ADGRB3: variants seen among roughly 807,000 people sequenced by gnomAD.
ADGRB3 encodes the protein adhesion G protein-coupled receptor B3.
Under a neutral mutation model 193.4 loss-of-function variants are expected in ADGRB3, and 37 were observed. That is an observed-to-expected ratio of 0.19 (90% CI 0.15 to 0.25). The LOEUF (loss-of-function observed/expected upper bound fraction) is 0.25, where lower values mean the gene tolerates loss of function less well. Ranked by LOEUF, ADGRB3 falls within the 10% of genes least tolerant of loss-of-function variation. The probability of loss-of-function intolerance (pLI) is 1.00; values close to 1 mark genes in which losing one functional copy is unlikely to be tolerated. For missense variants in ADGRB3, 1,637 were observed against 1,852.9 expected (o/e 0.88, Z 2.14); for synonymous variants, 690 against 644.2 (o/e 1.07, Z -1.08).
intron 8 of ADGRB3, among the ~76,000 whole-genome samples, chr6:68,974,023 T>C (rs1029554838): frequency 6.6e-6 from 1 of 152,252 alleles, no homozygotes; most frequent in Non-Finnish European, 1.5e-5. Context: ...TTTTTACTGC[T>C]ATCATTGCTT....
chr6:69,040,371 T>TTCTTTC, intron 13 of ADGRB3, among the ~76,000 whole-genome samples: 1 of 54,164 alleles, frequency 1.8e-5, no homozygotes, highest in African/African-American at 5.4e-5. Context: ...CTTTCTTTCT[T>TTCTTTC]TCTTTCCTTC....
intron 3 of ADGRB3, among the ~76,000 whole-genome samples, chr6:68,746,760 C>G (rs1429148716): frequency 2.6e-5 from 4 of 152,100 alleles, no homozygotes; most frequent in Non-Finnish European, 5.9e-5. Flanking sequence ...TTTGGAGTCT[C>G]TAATCCTTTT....
At chr6:69,284,030 C>T (rs555096961) in intron 20 of ADGRB3, among the ~76,000 whole-genome samples, 25 of 152,246 alleles carry the variant, frequency 1.6e-4, no homozygotes, top group African/African-American at 5.5e-4. Flanking sequence ...GGCCCTGGAA[C>T]GATGCCTCTT....
At chr6:69,275,392 G>A (rs962122463) in intron 20 of ADGRB3, among the ~76,000 whole-genome samples, 14 of 152,056 alleles carry the variant, frequency 9.2e-5, no homozygotes, top group Admixed American at 8.5e-4. Context: ...AAAGGAGGGA[G>A]GAAGAAATGT....
chr6:69,223,615 A>G (rs1003338624), intron 17 of ADGRB3, among the ~76,000 whole-genome samples: 1 of 136,436 alleles, frequency 7.3e-6, no homozygotes, highest in African/African-American at 2.7e-5. Context: ...TTAGTTTGGT[A>G]TTATTTTACA....
chr6:69,253,139 A>G (rs1352785671), intron 20 of ADGRB3, among the ~76,000 whole-genome samples: 1 of 151,950 alleles, frequency 6.6e-6, no homozygotes, highest in Non-Finnish European at 1.5e-5. Context: ...TGTTTCTGTG[A>G]TCTATCTTTC....
chr6:68,884,740 G>A (rs1562071017), intron 3 of ADGRB3, among the ~76,000 whole-genome samples: 1 of 152,272 alleles, frequency 6.6e-6, no homozygotes, highest in East Asian at 1.9e-4. Context: ...CAAAACATAA[G>A]ATGCTGAATG....
At chr6:69,000,876 T>C (rs190657488) in intron 11 of ADGRB3, among the ~76,000 whole-genome samples, 170 of 152,360 alleles carry the variant, frequency 1.1e-3, no homozygotes, top group Non-Finnish European at 1.8e-3. Flanking sequence ...TTATCCATTT[T>C]TCAGGGATAT....
At chr6:68,930,711 T>G (rs926317090) in intron 4 of ADGRB3, 42 bp downstream of exon 4, 1 of 1,374,264 alleles carries the variant, frequency 7.3e-7, no homozygotes, top group Admixed American at 1.9e-5. Flanking sequence ...GTTGTTAATT[T>G]AATGAAACCA....
At chr6:69,365,973 C>T (rs2127335905) in intron 29 of ADGRB3, among the ~76,000 whole-genome samples, 1 of 152,144 alleles carries the variant, frequency 6.6e-6, no homozygotes, top group Middle Eastern at 3.4e-3. Flanking sequence ...CCCTGAATTT[C>T]TGCAAAGAAA....
At chr6:69,284,567 T>A (rs557578466) in intron 20 of ADGRB3, among the ~76,000 whole-genome samples, 1 of 152,266 alleles carries the variant, frequency 6.6e-6, no homozygotes, top group African/African-American at 2.4e-5. Context: ...TGGTTACTAC[T>A]TTTCAACATC....
intron 20 of ADGRB3, among the ~76,000 whole-genome samples, chr6:69,316,294 A>G (rs1024271791): frequency 6.6e-6 from 1 of 151,480 alleles, no homozygotes; most frequent in African/African-American, 2.4e-5. Flanking sequence ...ATATTTTTTC[A>G]AAGTGAAATT....
At chr6:68,649,489 A>G (rs1419685608) in intron 3 of ADGRB3, among the ~76,000 whole-genome samples, 1 of 152,158 alleles carries the variant, frequency 6.6e-6, no homozygotes, top group African/African-American at 2.4e-5. Flanking sequence ...AGTGTCTACA[A>G]ATTAAAGCTT....
chr6:68,987,870 G>T (rs1336641), intron 10 of ADGRB3, among the ~76,000 whole-genome samples: 1 of 151,860 alleles, frequency 6.6e-6, no homozygotes, highest in Non-Finnish European at 1.5e-5. Context: ...TCTAAAGGTA[G>T]CAAGTATATA....
At chr6:69,279,069 A>ATGTG (rs1229976217) in intron 20 of ADGRB3, among the ~76,000 whole-genome samples, 25 of 57,030 alleles carry the variant, frequency 4.4e-4, no homozygotes, top group African/African-American at 8.6e-4. Context: ...TTAAATACAT[A>ATGTG]TGTATATATA....
chr6:69,193,922 A>G (rs571354693), intron 17 of ADGRB3, among the ~76,000 whole-genome samples: 1 of 152,150 alleles, frequency 6.6e-6, no homozygotes, highest in South Asian at 2.1e-4. Context: ...GTGAAGCTCT[A>G]GTTTATTCTG....
intron 17 of ADGRB3, among the ~76,000 whole-genome samples, chr6:69,225,720 G>A (rs1044419361): frequency 2.0e-5 from 3 of 152,190 alleles, no homozygotes; most frequent in Non-Finnish European, 2.9e-5. Flanking sequence ...ATCCTGGATG[G>A]ATGTGGGAGC....
chr6:69,026,401 C>T (rs1889878), intron 13 of ADGRB3, among the ~76,000 whole-genome samples: 64,453 of 151,840 alleles, frequency 0.42, 14,358 homozygotes, highest in African/African-American at 0.47. Context: ...AATAAGTAAG[C>T]AGAAAGGCCA....
intron 8 of ADGRB3, among the ~76,000 whole-genome samples, chr6:68,973,436 C>T (rs751448200): frequency 6.6e-6 from 1 of 152,170 alleles, no homozygotes; most frequent in Non-Finnish European, 1.5e-5. Context: ...TCTTCCCCTA[C>T]TGATAACTAT....
Sources: allele counts gnomAD v4.1 joint callset (sites outside exome capture counted in the v4.1 genomes callset), GRCh38; gene constraint gnomAD v4.1.1; transcripts MANE v1.5; gene names NCBI Gene and HGNC (gene_info 2026-07-23, HGNC 2026-07-21).